The following AKAP6 variants were observed in gnomAD, a reference collection of about 807,000 sequenced individuals.
The protein encoded by AKAP6 is A-kinase anchoring protein 6, also known as A-kinase anchor protein 6.
A neutral mutation model predicts 188.5 loss-of-function variants in AKAP6; 58 were observed. That is an observed-to-expected ratio of 0.31 (90% CI 0.25 to 0.38). AKAP6 has a LOEUF of 0.38. Ranked by LOEUF, AKAP6 falls within the 10% of genes least tolerant of loss-of-function variation. AKAP6 has a pLI of 1.00. For synonymous variants in AKAP6, 989 were observed against 998.6 expected, an observed-to-expected ratio of 0.99 and a Z score of 0.18; for missense variants, 2,710 against 2,740.0, an observed-to-expected ratio of 0.99 and a Z score of 0.24.
intron 2 of AKAP6, among the ~76,000 whole-genome samples, chr14:32,460,577 G>C (rs894929725): frequency 6.6e-6 from 1 of 152,218 alleles, no homozygotes; most frequent in Non-Finnish European, 1.5e-5. Context: ...GTAATCTGCA[G>C]ATCAGGAGAT....
intron 5 of AKAP6, among the ~76,000 whole-genome samples, chr14:32,580,756 A>G (rs1594758770): frequency 6.9e-6 from 1 of 145,182 alleles, no homozygotes; most frequent in African/African-American, 2.6e-5. Context: ...TCCTGTGTCC[A>G]TGTGTTCTCA....
chr14:32,548,553 GAT>G (rs1165243733), intron 4 of AKAP6, among the ~76,000 whole-genome samples: 2 of 151,650 alleles, frequency 1.3e-5, no homozygotes, highest in East Asian at 3.9e-4. Context: ...TAGATAGATA[GAT>G]AGATAGATAG....
chr14:32,441,999 A>G (rs1165079000), intron 2 of AKAP6, among the ~76,000 whole-genome samples: 3 of 152,326 alleles, frequency 2.0e-5, no homozygotes, highest in South Asian at 4.1e-4. Flanking sequence ...AACAATAGCT[A>G]TCTGTTTTTG....
rs559985427 is a variant in AKAP6 at position 32,554,138 on chromosome 14, G to A, written c.2346+7139G>A. On this transcript the variant is annotated intron_variant, in intron 4 of 13. Coordinates refer to ENST00000280979, the MANE Select transcript of AKAP6 (RefSeq NM_004274.5). ...AATTATGGCCTGTGAGCCAAATGTG[G>A]CCCAATACCTGCTTTTTAAAATATT... Among the ~76,000 whole-genome samples, 7 of 152,366 alleles carry A rather than the reference G, an allele frequency of 4.6e-5. No homozygotes were observed. In the East Asian group the frequency reaches 1.3e-3, roughly 29 times the overall value.
At chr14:32,405,489 A>G (rs974419967) in intron 1 of AKAP6, among the ~76,000 whole-genome samples, 1 of 152,236 alleles carries the variant, frequency 6.6e-6, no homozygotes. Context: ...AAAATATTTC[A>G]TGTATAATCT....
At chr14:32,450,414 G>C (rs988456245) in intron 2 of AKAP6, among the ~76,000 whole-genome samples, 1 of 151,858 alleles carries the variant, frequency 6.6e-6, no homozygotes, top group Non-Finnish European at 1.5e-5. Context: ...CTATAATTTG[G>C]TTTTGGTCAT....
intron 1 of AKAP6, among the ~76,000 whole-genome samples, chr14:32,407,423 A>T (rs1383359583): frequency 6.6e-6 from 1 of 152,164 alleles, no homozygotes. Flanking sequence ...AGATCCCCAC[A>T]CAGGCTCAGA....
At chr14:32,403,097 G>A (rs1249978552) in intron 1 of AKAP6, 5 of 152,124 alleles carry the variant, frequency 3.3e-5, no homozygotes, top group Non-Finnish European at 7.4e-5. Flanking sequence ...TCCAAGAAGA[G>A]GGTTTTCTCA....
chr14:32,724,430 A>G (rs2030737903), intron 9 of AKAP6, among the ~76,000 whole-genome samples: 1 of 152,244 alleles, frequency 6.6e-6, no homozygotes, highest in African/African-American at 2.4e-5. Context: ...CGCCTGATCC[A>G]GGAATTCACA....
At chr14:32,805,751 G>T (rs1319630698) in intron 12 of AKAP6, among the ~76,000 whole-genome samples, 2 of 152,100 alleles carry the variant, frequency 1.3e-5, no homozygotes, top group African/African-American at 4.8e-5. Context: ...AATATTTTAG[G>T]TCTGTTGTTT....
At chr14:32,752,619 TC>T (rs1296836896) in intron 11 of AKAP6, among the ~76,000 whole-genome samples, 7 of 152,206 alleles carry the variant, frequency 4.6e-5, no homozygotes, top group Non-Finnish European at 5.9e-5. Flanking sequence ...CATATACTTG[TC>T]ATTTTTCTTG....
intron 7 of AKAP6, among the ~76,000 whole-genome samples, chr14:32,603,433 T>C (rs1886013302): frequency 1.3e-5 from 2 of 152,234 alleles, no homozygotes; most frequent in African/African-American, 2.4e-5. Flanking sequence ...GGCATTGAGA[T>C]AGAATGAAGT....
intron 12 of AKAP6, among the ~76,000 whole-genome samples, chr14:32,820,982 G>A (rs2034503484): frequency 6.9e-6 from 1 of 143,974 alleles, no homozygotes; most frequent in Admixed American, 6.7e-5. Flanking sequence ...GCTGCAGATA[G>A]TATTCTACTA....
At chr14:32,434,369 A>T (rs1218551044) in intron 2 of AKAP6, among the ~76,000 whole-genome samples, 3 of 152,240 alleles carry the variant, frequency 2.0e-5, no homozygotes, top group Non-Finnish European at 2.9e-5. Context: ...TTAAAAAAAA[A>T]GTCTGTGGAC....
At chr14:32,771,055 C>G (rs537184831) in intron 11 of AKAP6, among the ~76,000 whole-genome samples, 3 of 152,224 alleles carry the variant, frequency 2.0e-5, no homozygotes, top group East Asian at 3.9e-4. Flanking sequence ...TTAATATAAA[C>G]TACTGATTCT....
In AKAP6 at chr14:32,822,891, G is replaced by T. The variant is rs781325832; in HGVS notation, c.5078G>T (p.Ser1693Ile). 12 of 1,613,774 alleles carry T rather than the reference G, an allele frequency of 7.4e-6. No individual in the cohort carries two copies. The South Asian group carries it at 1.2e-4, about 16-fold the overall frequency. The change falls in exon 13 of 14, where the codon AGC becomes ATC. Residue 1693 changes from serine (S) to isoleucine (I), a missense_variant. Transcript: ENST00000280979. Reference protein sequence around the residue: ...DSAASLTELSSSDELSLCSED... With the variant: ...DSAASLTELSISDELSLCSED... ...GCGGCATCTCTAACAGAACTTAGCA[G>T]CAGTGACGAGCTCTCTCTTTGCTCA...
At chr14:32,658,088 C>A (rs750174484) in intron 7 of AKAP6, among the ~76,000 whole-genome samples, 1 of 152,120 alleles carries the variant, frequency 6.6e-6, no homozygotes, top group African/African-American at 2.4e-5. Context: ...TATTAAATGT[C>A]TTCAGAAACT....
At chr14:32,678,246 A>G (rs1324968353) in intron 7 of AKAP6, 65 bp from the exon 8 acceptor site, 15 of 1,524,836 alleles carry the variant, frequency 9.8e-6, no homozygotes, top group Non-Finnish European at 1.3e-5. Context: ...TTGAGTTGTT[A>G]CACCTCACTT....
intron 12 of AKAP6, among the ~76,000 whole-genome samples, chr14:32,796,491 A>G (rs756315154): frequency 1.3e-5 from 2 of 152,200 alleles, no homozygotes; most frequent in Non-Finnish European, 2.9e-5. Flanking sequence ...ACCTACAACC[A>G]TCTGATCTTG....
Sources: gnomAD v4.1 joint callset for allele counts (sites outside exome capture counted in the v4.1 genomes callset) on GRCh38, gnomAD v4.1.1 for gene constraint, MANE v1.5 for transcripts, NCBI Gene and HGNC (gene_info 2026-07-23, HGNC 2026-07-21) for gene names.